CORO1C: variants seen among roughly 807,000 people sequenced by gnomAD.
The protein encoded by CORO1C is coronin 1C.
Under a neutral mutation model 51.2 loss-of-function variants are expected in CORO1C, and 14 were observed. The observed-to-expected ratio is 0.27, with a 90% CI of 0.18 to 0.43. The LOEUF (loss-of-function observed/expected upper bound fraction) is 0.43, where lower values mean the gene tolerates loss of function less well. Ranked by LOEUF, CORO1C falls within the 20% of genes least tolerant of loss-of-function variation. The pLI is 1.00. For synonymous variants in CORO1C, 181 were observed against 210.5 expected (o/e 0.86, Z 1.21); for missense variants, 417 against 607.8 (o/e 0.69, Z 3.30).
At chr12:108,665,065 G>A (rs1014237669) in intron 3 of CORO1C, among the ~76,000 whole-genome samples, 15 of 152,138 alleles carry the variant, frequency 9.9e-5, no homozygotes, top group African/African-American at 3.4e-4. Context: ...GTCTCACTCT[G>A]AGCACAGCTA....
intron 3 of CORO1C, among the ~76,000 whole-genome samples, chr12:108,664,024 A>C (rs991020815): frequency 1.3e-5 from 2 of 152,254 alleles, no homozygotes; most frequent in Non-Finnish European, 2.9e-5. Context: ...TAAGAAACAA[A>C]CAACCTCTAA....
chr12:108,661,908 T>TG, intron 4 of CORO1C, 121 bp downstream of exon 4: 1 of 1,101,064 alleles, frequency 9.1e-7, no homozygotes, highest in Non-Finnish European at 1.3e-6. Flanking sequence ...CTCTTCACCA[T>TG]GGTTTCCTAA....
intron 2 of CORO1C, among the ~76,000 whole-genome samples, chr12:108,698,985 G>A (rs1023192840): frequency 2.0e-5 from 3 of 152,164 alleles, no homozygotes; most frequent in African/African-American, 7.2e-5. Context: ...GGCTGTCACA[G>A]GGCTTAGCTT....
intron 3 of CORO1C, among the ~76,000 whole-genome samples, chr12:108,667,006 C>T (rs1175671132): frequency 1.3e-5 from 2 of 151,940 alleles, no homozygotes; most frequent in African/African-American, 2.4e-5. Context: ...ATAGGCCACA[C>T]TCATGGCTTA....
intron 2 of CORO1C, among the ~76,000 whole-genome samples, chr12:108,681,460 CAGAG>C (rs1346652047): frequency 6.6e-6 from 1 of 152,126 alleles, no homozygotes; most frequent in African/African-American, 2.4e-5. Context: ...GAAGCAACAA[CAGAG>C]AAAGGACAGA....
intron 1 of CORO1C, among the ~76,000 whole-genome samples, chr12:108,713,646 C>T (rs2035246864): frequency 1.3e-5 from 2 of 152,206 alleles, no homozygotes; most frequent in African/African-American, 4.8e-5. Context: ...AGGCCCGTCA[C>T]GTTTCAGCCT....
At chr12:108,668,799 T>C (rs1292599135) in intron 3 of CORO1C, among the ~76,000 whole-genome samples, 2 of 152,244 alleles carry the variant, frequency 1.3e-5, no homozygotes, top group African/African-American at 4.8e-5. Context: ...TAAGGAACAA[T>C]GTTGAATCAA....
chr12:108,711,239 A>G (rs1336028079), intron 1 of CORO1C, among the ~76,000 whole-genome samples: 1 of 151,922 alleles, frequency 6.6e-6, no homozygotes, highest in African/African-American at 2.4e-5. Flanking sequence ...ATGTTGTAGT[A>G]TACCCCTGCG....
At chr12:108,697,742 A>C (rs2034734111) in intron 2 of CORO1C, among the ~76,000 whole-genome samples, 1 of 152,182 alleles carries the variant, frequency 6.6e-6, no homozygotes, top group South Asian at 2.1e-4. Flanking sequence ...GCAATCTGCC[A>C]GGATGCTTTC....
chr12:108,657,207 A>G (rs2033064816), intron 6 of CORO1C, 97 bp downstream of exon 6: 2 of 1,476,598 alleles, frequency 1.4e-6, no homozygotes, highest in African/African-American at 2.8e-5. Context: ...AGAAAACTAC[A>G]CTAAGAATCC....
In CORO1C at chr12:108,705,228, CCA is replaced by C. The variant is rs1565932123; in HGVS notation, c.-5-3907_-5-3906del. 2.0e-5 allele frequency among the ~76,000 whole-genome samples: 3 copies of C among 152,126 alleles called. No individual in the cohort carries two copies. The East Asian group carries it at 5.8e-4, about 29-fold the overall frequency. The stretch of plus-strand genomic sequence containing the variant: ...GCATGGTGGCTCACGCCTGTAATCC[CCA>C]CACTTTGGGAGGCCGAGGAAGGCAG... On this transcript the variant is annotated intron_variant, in intron 1 of 10. Coordinates refer to ENST00000261401, the MANE Select transcript of CORO1C (RefSeq NM_014325.4).
intron 2 of CORO1C, among the ~76,000 whole-genome samples, chr12:108,700,719 T>C (rs1451967515): frequency 6.6e-6 from 1 of 152,162 alleles, no homozygotes; most frequent in African/African-American, 2.4e-5. Context: ...AAGAGAATAT[T>C]ATCTTACAAA....
At chr12:108,725,998 G>A (rs956503863) in intron 1 of CORO1C, among the ~76,000 whole-genome samples, 6 of 151,402 alleles carry the variant, frequency 4.0e-5, no homozygotes, top group Non-Finnish European at 8.8e-5. Context: ...CACCACACCC[G>A]GCTAATTTTT....
intron 3 of CORO1C, among the ~76,000 whole-genome samples, chr12:108,670,640 C>A (rs1258784691): frequency 6.6e-6 from 1 of 151,438 alleles, no homozygotes; most frequent in African/African-American, 2.4e-5. Flanking sequence ...ACCAAGCCAC[C>A]ATTTAAAAAG....
chr12:108,704,394 C>G (rs570751364), intron 1 of CORO1C, among the ~76,000 whole-genome samples: 1 of 152,162 alleles, frequency 6.6e-6, no homozygotes, highest in East Asian at 1.9e-4. Context: ...ATTGCTTGAA[C>G]CTGGTAGGCG....
chr12:108,726,332 C>T (rs1180129977), intron 1 of CORO1C, among the ~76,000 whole-genome samples: 2 of 149,756 alleles, frequency 1.3e-5, no homozygotes, highest in Admixed American at 6.6e-5. Flanking sequence ...GGCGGGAGAA[C>T]GGCGTGAACC....
intron 3 of CORO1C, among the ~76,000 whole-genome samples, chr12:108,676,542 C>T (rs531781424): frequency 2.6e-5 from 4 of 151,890 alleles, no homozygotes; most frequent in South Asian, 2.1e-4. Flanking sequence ...GAGGCTGAGG[C>T]GGGGGGATCA....
intron 1 of CORO1C, among the ~76,000 whole-genome samples, chr12:108,722,618 T>C (rs2035498469): frequency 6.6e-6 from 1 of 152,220 alleles, no homozygotes; most frequent in South Asian, 2.1e-4. Flanking sequence ...CTTACAATGC[T>C]GAATCAACAC....
intron 1 of CORO1C, among the ~76,000 whole-genome samples, chr12:108,711,771 T>C (rs2035187953): frequency 1.3e-5 from 2 of 152,168 alleles, no homozygotes; most frequent in Admixed American, 6.5e-5. Context: ...GGTATTTATA[T>C]TGCAACAGCA....
Sources: gnomAD v4.1 joint callset for allele counts (sites outside exome capture counted in the v4.1 genomes callset) on GRCh38, gnomAD v4.1.1 for gene constraint, MANE v1.5 for transcripts, NCBI Gene and HGNC (gene_info 2026-07-23, HGNC 2026-07-21) for gene names.